Variants in NDUFA11 observed in about 807,000 individuals in gnomAD.
NDUFA11 encodes the protein NADH dehydrogenase [ubiquinone] 1 alpha subcomplex subunit 11.
In NDUFA11, 14 loss-of-function variants were observed where a neutral mutation model predicts 11.3. That is an observed-to-expected ratio of 1.24 (90% CI 0.82 to 1.94). The LOEUF (loss-of-function observed/expected upper bound fraction) is 1.94, where lower values mean the gene tolerates loss of function less well. Among genes scored for constraint, NDUFA11 ranks in the 30% most tolerant of loss-of-function variants. The probability of loss-of-function intolerance (pLI) is 0.00; values close to 1 mark genes in which losing one functional copy is unlikely to be tolerated. For missense variants in NDUFA11, 204 were observed against 200.3 expected (o/e 1.02, Z -0.11); for synonymous variants, 87 against 85.6 (o/e 1.02, Z -0.09).
chr19:5,903,400 C>T (rs1012992947), intron 1 of NDUFA11, among the ~76,000 whole-genome samples: 9 of 152,168 alleles, frequency 5.9e-5, no homozygotes, highest in African/African-American at 2.2e-4. Context: ...TGTCGCATGT[C>T]ACGACCTCCC....
intron 1 of NDUFA11, among the ~76,000 whole-genome samples, chr19:5,902,988 G>A (rs1372243820): frequency 1.4e-5 from 2 of 142,638 alleles, no homozygotes; most frequent in Non-Finnish European, 3.0e-5. Context: ...TCCAGCCCGG[G>A]CGACAGAGCA....
At chr19:5,902,177 G>A (rs1392380688) in intron 1 of NDUFA11, among the ~76,000 whole-genome samples, 4 of 151,720 alleles carry the variant, frequency 2.6e-5, no homozygotes, top group African/African-American at 4.8e-5. Context: ...GGGTTTCACC[G>A]TGTTAGCCAG....
intron 1 of NDUFA11, among the ~76,000 whole-genome samples, chr19:5,900,854 T>A (rs113610796): frequency 0.15 from 20,807 of 140,336 alleles, 1,472 homozygotes; most frequent in Middle Eastern, 0.28. Flanking sequence ...GAGGTTGCAG[T>A]AAGCCAAGAT....
chr19:5,902,884 G>A (rs1439696608), intron 1 of NDUFA11, among the ~76,000 whole-genome samples: 1 of 151,996 alleles, frequency 6.6e-6, no homozygotes. Context: ...GGTGGCGTGA[G>A]CCCGTAATCC....
At chr19:5,895,093 C>G (rs1411842633) in intron 3 of NDUFA11, 1 of 549,468 alleles carries the variant, frequency 1.8e-6, no homozygotes. Flanking sequence ...GGGTCCTCAT[C>G]CCGCCCCACA....
chr19:5,896,075 G>A lies in NDUFA11; in HGVS notation c.313+378C>T. ...GCACACAGAAGGAAGGCGGCACAGA[G>A]CGAGGGCGGCGGGGATGCTGGCTTG... is the stretch of plus-strand genomic sequence containing the variant. On this transcript the variant is annotated intron_variant, in intron 3 of 3. Coordinates refer to ENST00000308961, the MANE Select transcript of NDUFA11 (RefSeq NM_175614.5). The surrounding 1 kb of genome is among the most constrained non-coding windows in gnomAD (Gnocchi z 5.8). The A allele has an allele frequency of 2.3e-6, 1 of 441,146 alleles. No homozygotes were observed. The allele number at this position is 441,146 out of a possible 1,614,324, so 27.3% of individuals were successfully genotyped here.
chr19:5,898,521 G>A (rs142216461), intron 1 of NDUFA11, among the ~76,000 whole-genome samples: 217 of 152,308 alleles, frequency 1.4e-3, no homozygotes, highest in African/African-American at 4.8e-3. Context: ...AGAGTACCTT[G>A]TGGATCTGGT....
intron 1 of NDUFA11, chr19:5,902,433 GT>G (rs2057651736): frequency 6.6e-6 from 1 of 152,258 alleles, no homozygotes; most frequent in Non-Finnish European, 1.5e-5. Flanking sequence ...CCAGCTAATT[GT>G]TTTACTTTTT....
chr19:5,894,546 G>A (rs952631491), downstream of NDUFA11: 3 of 1,146,674 alleles, frequency 2.6e-6, no homozygotes, highest in Non-Finnish European at 3.7e-6. Context: ...TGGTACCCTT[G>A]GCAGGGACGG....
chr19:5,896,276 C>T lies in NDUFA11; in HGVS notation c.313+177G>A. The T allele has an allele frequency of 1.4e-6, 1 of 739,536 alleles. No individual in the cohort carries two copies. The highest frequency in any genetic ancestry group is 2.7e-5 in the East Asian group (1 of 37,012). The allele number at this position is 739,536 out of a possible 1,614,324, so 45.8% of individuals were successfully genotyped here. The stretch of plus-strand genomic sequence containing the variant: ...AGGGGACAGGGCAGGTCAGGGAGGG[C>T]CACAGTAGGTGCTTAAGCAGCAGCA... On this transcript the variant is annotated intron_variant, in intron 3 of 3. Coordinates refer to ENST00000308961, the MANE Select transcript of NDUFA11 (RefSeq NM_175614.5). The surrounding 1 kb of genome is among the most constrained non-coding windows in gnomAD (Gnocchi z 5.8).
chr19:5,894,801 A>G lies in NDUFA11; in HGVS notation c.367T>C (p.Ser123Pro). 6.2e-7 allele frequency: 1 copy of G among 1,613,658 alleles called. No individual in the cohort carries two copies. Among genetic ancestry groups the G allele is most frequent in the South Asian group, 1.1e-5 (1 of 91,010 alleles). ...AACVYFGIAA[S>P]LVKMGRLEGW... ...TCCAGCCGGCCCATCTTGACCAGGG[A>G]GGCCGCTATGCCAAAGTACACGCAG... The change falls in exon 4 of 4, where the codon TCC becomes CCC. Residue 123 changes from serine (S) to proline (P), a missense_variant. Ser to Pro is a moderately conservative substitution (Grantham distance 74). Transcript: ENST00000308961.
At chr19:5,901,226 G>T in intron 1 of NDUFA11, 1 of 1,032,256 alleles carries the variant, frequency 9.7e-7, no homozygotes, top group Non-Finnish European at 1.3e-6. Flanking sequence ...CATGAGGAAT[G>T]CACACACTCT....
intron 3 of NDUFA11, chr19:5,895,084 G>A (rs972741313): frequency 1.3e-4 from 76 of 563,898 alleles, no homozygotes; most frequent in Non-Finnish European, 2.1e-4. Flanking sequence ...CCAGGCTGTG[G>A]GTCCTCATCC....
rs1292083070 is a variant in NDUFA11 at position 5,903,600 on chromosome 19, G to A, written c.97+12C>T. ...CTCGGCCCTCCACCCTCGGGGCCCG[G>A]CCGGCGCTCACCAGCGACGCTGGCA... On this transcript the variant is annotated intron_variant, in intron 1 of 3. Transcript: ENST00000308961. The A allele has an allele frequency of 4.5e-6, 7 of 1,549,226 alleles. No homozygotes were observed. The highest frequency in any genetic ancestry group is 4.1e-5 in the African/African-American group (3 of 73,174).
At chr19:5,895,601 T>G (rs1378525144) in intron 3 of NDUFA11, 1 of 152,882 alleles carries the variant, frequency 6.5e-6, no homozygotes, top group African/African-American at 2.4e-5. Flanking sequence ...ACTCCCAACA[T>G]GCCAGGCCAG....
chr19:5,891,812 CCCT>C (rs1354801376), downstream of NDUFA11: 3 of 152,856 alleles, frequency 2.0e-5, no homozygotes, highest in Admixed American at 6.5e-5. Flanking sequence ...CTCTAGGAAG[CCCT>C]CCTAGCTCCC....
In NDUFA11 at chr19:5,896,291, A is replaced by AAGCAGC. The variant is rs1054026135; in HGVS notation, c.313+156_313+161dup. ...TCAGGGAGGGCCACAGTAGGTGCTT[A>AAGCAGC]AGCAGCAGCAGCAGCTGTCGCTATG... On this transcript the variant is annotated intron_variant, in intron 3 of 3. Coordinates refer to ENST00000308961, the MANE Select transcript of NDUFA11 (RefSeq NM_175614.5). The surrounding 1 kb of genome is among the most constrained non-coding windows in gnomAD (Gnocchi z 5.8). 38 of 835,076 alleles carry AAGCAGC rather than the reference A, an allele frequency of 4.6e-5. No homozygotes were observed. In the South Asian group the frequency reaches 6.2e-4, roughly 14 times the overall value. The allele number at this position is 835,076 out of a possible 1,614,324, so 51.7% of individuals were successfully genotyped here.
At chr19:5,892,958 C>G (rs999483575), downstream of NDUFA11, 27 of 1,489,904 alleles carry the variant, frequency 1.8e-5, 1 homozygote, top group Admixed American at 4.2e-4. Context: ...AACAATGACT[C>G]TATTAGGGCT....
chr19:5,901,000 T>C, intron 1 of NDUFA11, among the ~76,000 whole-genome samples: 1 of 151,578 alleles, frequency 6.6e-6, no homozygotes. Flanking sequence ...CTTGGAGGGC[T>C]CACAGAAGCC....
Sources: gnomAD v4.1 joint callset for allele counts (sites outside exome capture counted in the v4.1 genomes callset) on GRCh38, gnomAD v4.1.1 for gene constraint, Gnocchi (gnomAD v3.1) non-coding constraint, MANE v1.5 for transcripts, NCBI Gene and HGNC (gene_info 2026-07-23, HGNC 2026-07-21) for gene names.